ADAMTS7: variants seen among roughly 807,000 people sequenced by gnomAD.
ADAMTS7 encodes the protein A disintegrin and metalloproteinase with thrombospondin motifs 7.
Under a neutral mutation model 172.6 loss-of-function variants are expected in ADAMTS7, and 89 were observed. That is an observed-to-expected ratio of 0.52 (90% CI 0.43 to 0.61). The LOEUF (loss-of-function observed/expected upper bound fraction) is 0.61, where lower values mean the gene tolerates loss of function less well. ADAMTS7 is among the 20% of genes least tolerant of loss of function. ADAMTS7 has a pLI of 0.00. For synonymous variants in ADAMTS7, 885 were observed against 978.4 expected (o/e 0.90, Z 1.78); for missense variants, 1,973 against 2,355.6 (o/e 0.84, Z 3.36).
chr15:78,773,739 G>A (rs1424915038), intron 13 of ADAMTS7, among the ~76,000 whole-genome samples: 1 of 152,072 alleles, frequency 6.6e-6, no homozygotes, highest in Non-Finnish European at 1.5e-5. Flanking sequence ...TACTCTTTGC[G>A]GCTCAGAGCC....
intron 19 of ADAMTS7, 86 bp from the exon 20 acceptor site, chr15:78,764,793 A>G (rs1298322842): frequency 2.2e-6 from 3 of 1,367,322 alleles, no homozygotes. Context: ...TAGGCTAGCG[A>G]GACCTCAGCA....
chr15:78,790,619 C>CG (rs1567231715), intron 6 of ADAMTS7, 51 bp downstream of exon 6: 1 of 1,603,824 alleles, frequency 6.2e-7, no homozygotes. Flanking sequence ...TCTGCAGGGC[C>CG]GGGAAGCACC....
intron 8 of ADAMTS7, among the ~76,000 whole-genome samples, chr15:78,784,430 G>T (rs2055474817): frequency 1.4e-5 from 2 of 144,600 alleles, no homozygotes; most frequent in Non-Finnish European, 1.5e-5. Flanking sequence ...AGGGAGGGAG[G>T]GAGGATAGAA....
Position 78,777,425 on chromosome 15 carries a change from C to T in ADAMTS7, c.1467+19G>A. The T allele has an allele frequency of 1.5e-5, 24 of 1,609,048 alleles. No individual in the cohort carries two copies. The highest frequency in any genetic ancestry group is 2.0e-5 in the Non-Finnish European group (24 of 1,178,312). Reference sequence around the variant, plus strand: ...CTGCCGGGTCCCCACACCCCCACACCCACACCGGCCCCACTCACATCCATG... The same window carrying T: ...CTGCCGGGTCCCCACACCCCCACACTCACACCGGCCCCACTCACATCCATG... On this transcript the variant is annotated intron_variant, in intron 9 of 23. Transcript: ENST00000388820.
chr15:78,780,104 T>G (rs1255188272), intron 8 of ADAMTS7, among the ~76,000 whole-genome samples: 5 of 144,642 alleles, frequency 3.5e-5, no homozygotes, highest in Non-Finnish European at 6.1e-5. Context: ...TAAATAGCAG[T>G]GTCTTCTTGG....
In ADAMTS7 at chr15:78,765,804, C is replaced by G. The variant is rs753114960; in HGVS notation, c.4107G>C (p.Leu1369=). The change falls in exon 19 of 24, where the codon CTG becomes CTC. Residue 1369 remains leucine (L), a synonymous_variant. Transcript: ENST00000388820. ...QPESLSPEVP[L]SSRLLSTPAW... is the part of the protein sequence containing the mutation. ...CTGGTGTGGACAGCAGCCTAGAGCT[C>G]AGGGGCACCTCAGGGCTGAGGGACT... 1 of 1,600,868 alleles carries G rather than the reference C, an allele frequency of 6.2e-7. No individual in the cohort carries two copies. Among genetic ancestry groups the G allele is most frequent in the South Asian group, 1.1e-5 (1 of 89,626 alleles).
At position 78,771,318 on chromosome 15, in the gene ADAMTS7, G is replaced by A. The variant is rs767784421; in HGVS notation, c.2377-15C>T. On this transcript the variant is annotated splice_polypyrimidine_tract_variant and intron_variant, in intron 15 of 23. Transcript: ENST00000388820. The surrounding 1 kb of genome is among the most constrained non-coding windows in gnomAD (Gnocchi z 4.9). ...TGGAACAGCAGCTGGGTGGGCAGGC[G>A]GGGGCCCATGAGCACAAGGTGTCTT... 1.3e-5 allele frequency: 21 copies of A among 1,611,654 alleles called. No individual in the cohort carries two copies. Among genetic ancestry groups the A allele is most frequent in the Middle Eastern group, 1.7e-4 (1 of 5,980 alleles).
At position 78,771,513 on chromosome 15, in the gene ADAMTS7, C is replaced by G. The variant is rs555268112; in HGVS notation, c.2376+72G>C. ...CAGGGCTCACTCCTCCAGGACGAGA[C>G]CTGCCATGGAGGGTGCTGGGCCTGG... On this transcript the variant is annotated intron_variant, in intron 15 of 23. Transcript: ENST00000388820. This position sits in a 1 kb window ranked among gnomAD's most constrained non-coding sequence, Gnocchi z 4.9. 3 of 1,546,286 alleles carry G rather than the reference C, an allele frequency of 1.9e-6. No individual in the cohort carries two copies. The highest frequency in any genetic ancestry group is 2.4e-5 in the East Asian group (1 of 41,374).
rs1473352767 is a variant in ADAMTS7 at position 78,811,253 on chromosome 15, C to G, written c.-33G>C. 3 of 1,223,412 alleles carry G rather than the reference C, an allele frequency of 2.5e-6. No homozygotes were observed. The Admixed American group carries it at 1.3e-4, about 52-fold the overall frequency. 75.8% of individuals were successfully genotyped at this position (1,223,412 alleles called of 1,614,324 possible). ...ACCGGGCGGCCGCCGGGTGACCCCG[C>G]GCGCACGCTCTCGTCCGTCCCGTCC... is the stretch of plus-strand genomic sequence containing the variant. On this transcript the variant is annotated 5_prime_UTR_variant, in exon 1 of 24. Transcript: ENST00000388820.
chr15:78,760,518 A>G (rs2055026183), intron 23 of ADAMTS7, among the ~76,000 whole-genome samples: 3 of 152,032 alleles, frequency 2.0e-5, no homozygotes. Flanking sequence ...CAAAGTGCAC[A>G]TCTGCAGGCC....
intron 8 of ADAMTS7, among the ~76,000 whole-genome samples, chr15:78,781,739 C>T (rs2055431742): frequency 6.6e-6 from 1 of 152,186 alleles, no homozygotes; most frequent in Admixed American, 6.5e-5. Flanking sequence ...TGAAGCCATT[C>T]TCTCATTCTC....
In ADAMTS7 at chr15:78,765,756, G is replaced by A; in HGVS notation, c.4155C>T (p.Ser1385=). 6.2e-7 allele frequency: 1 copy of A among 1,610,444 alleles called. No individual in the cohort carries two copies. The highest frequency in any genetic ancestry group is 8.5e-7 in the Non-Finnish European group (1 of 1,179,764). ...GCGGCTGGGTCTCAGGGACTCTGTG[G>A]CTGTTGGCGGGGCTGTCCCAAGCTG... The part of the protein sequence containing the change: ...STPAWDSPAN[S]HRVPETQPLA... Residue 1385 remains serine (S), a synonymous_variant, in exon 19 of 24, where the codon AGC becomes AGT. Transcript: ENST00000388820.
chr15:78,805,190 T>G (rs1221166324), intron 1 of ADAMTS7, among the ~76,000 whole-genome samples: 1 of 152,290 alleles, frequency 6.6e-6, no homozygotes, highest in African/African-American at 2.4e-5. Context: ...TTAAGGCGAC[T>G]TCTTGCTCTG....
At chr15:78,776,020 C>T (rs1011646861) in intron 11 of ADAMTS7, among the ~76,000 whole-genome samples, 168 bp downstream of exon 11, 1 of 152,214 alleles carries the variant, frequency 6.6e-6, no homozygotes, top group African/African-American at 2.4e-5. Flanking sequence ...CTGTCAGCCC[C>T]CAGAACACTC....
At chr15:78,809,736 C>T (rs983024956) in intron 1 of ADAMTS7, among the ~76,000 whole-genome samples, 5 of 152,234 alleles carry the variant, frequency 3.3e-5, no homozygotes, top group Non-Finnish European at 5.9e-5. Context: ...GTTCATCCTC[C>T]TCAGCCCCCA....
Position 78,789,713 on chromosome 15 carries a change from G to T in ADAMTS7, c.1154C>A (p.Thr385Asn), listed in dbSNP as rs1204046814. The change falls in exon 7 of 24, where the codon ACT becomes AAT. Residue 385 changes from threonine (T) to asparagine (N), a missense_variant. Physicochemically the swap from Thr to Asn is moderately conservative, Grantham distance 65 (BLOSUM62 0). This residue lies in a region of ADAMTS7 where 526 missense variants were observed against 662.9 expected (regional missense o/e 0.79). Coordinates refer to ENST00000388820, the MANE Select transcript of ADAMTS7 (RefSeq NM_014272.5). Reference protein sequence around the residue: ...NEDTGLPLAFTVAHELGHSFG... With the variant: ...NEDTGLPLAFNVAHELGHSFG... ...CCTGTGCCCGAGCTCGTGGGCTACA[G>T]TGAAGGCCAGCGGCAGGCCCGTGTC... 3.1e-6 allele frequency: 5 copies of T among 1,613,728 alleles called. No homozygotes were observed. Among genetic ancestry groups the T allele is most frequent in the Non-Finnish European group, 4.2e-6 (5 of 1,179,996 alleles).
At chr15:78,787,616 A>G (rs956269715) in intron 8 of ADAMTS7, among the ~76,000 whole-genome samples, 2 of 152,184 alleles carry the variant, frequency 1.3e-5, no homozygotes, top group African/African-American at 4.8e-5. Flanking sequence ...GTGAGTCAAG[A>G]TCGTGCCATT....
Position 78,767,417 on chromosome 15 carries a change from G to T in ADAMTS7, c.2821C>A (p.Pro941Thr). 6.2e-7 allele frequency: 1 copy of T among 1,611,880 alleles called. No homozygotes were observed. ...CCCACAGCCCAGGTGGCCGGACAGG[G>T]TACATGGCGGTTGCAAGGGGTTTCA... Reference protein sequence around the residue: ...PTETPCNRHVPCPATWAVGNW... With the variant: ...PTETPCNRHVTCPATWAVGNW... The change falls in exon 18 of 24, where the codon CCC becomes ACC. Residue 941 changes from proline (P) to threonine (T), a missense_variant. This residue lies in a region of ADAMTS7 where 771 missense variants were observed against 952.6 expected (regional missense o/e 0.81). Transcript: ENST00000388820.
At chr15:78,767,619 G>C in intron 17 of ADAMTS7, 27 bp from the exon 18 acceptor site, 1 of 1,516,194 alleles carries the variant, frequency 6.6e-7, no homozygotes, top group Non-Finnish European at 8.9e-7. Flanking sequence ...GGTGGCATCA[G>C]TGTGGCATCA....
Sources: gnomAD v4.1 joint callset for allele counts (sites outside exome capture counted in the v4.1 genomes callset) on GRCh38, gnomAD v4.1.1 for gene constraint, gnomAD v4.1.1 regional missense constraint, Gnocchi (gnomAD v3.1) non-coding constraint, MANE v1.5 for transcripts, NCBI Gene and HGNC (gene_info 2026-07-23, HGNC 2026-07-21) for gene names.